Variants in FAM185A observed in about 807,000 individuals in gnomAD.
The protein encoded by FAM185A is protein FAM185A.
FAM185A carries 21 observed loss-of-function variants against 45.7 expected under a neutral mutation model. The ratio of observed to expected loss-of-function variants is 0.46; its 90% CI spans 0.33 to 0.66. FAM185A has a LOEUF of 0.66. FAM185A is among the 30% of genes least tolerant of loss of function. FAM185A has a pLI of 0.03. For synonymous variants in FAM185A, 117 were observed against 194.0 expected (o/e 0.60, Z 3.30); for missense variants, 305 against 485.4 (o/e 0.63, Z 3.49).
chr7:102,815,816 G>A, the FAM185A span, among the ~76,000 whole-genome samples: 2 of 151,994 alleles, frequency 1.3e-5, no homozygotes, highest in African/African-American at 4.8e-5. Flanking sequence ...GAGTCCTATG[G>A]TTGCTCAGTC....
intron 2 of FAM185A, among the ~76,000 whole-genome samples, chr7:102,756,655 T>TAAAAAC (rs1312221288): frequency 3.3e-5 from 5 of 151,204 alleles, no homozygotes; most frequent in Admixed American, 2.0e-4. Flanking sequence ...AGACTCTGTC[T>TAAAAAC]AAAAACAAAA....
rs532489882 is a variant in FAM185A at position 102,766,165 on chromosome 7, G to T, written c.793+4754G>T. On this transcript the variant is annotated intron_variant, in intron 4 of 7. Coordinates refer to ENST00000413034, the MANE Select transcript of FAM185A (RefSeq NM_001145268.2). ...ACCCATGATTTAAACAAACTGATTCGATTAAGATGTAAGAGTGTTCATGTT... is the reference window on the plus strand; with the variant it reads ...ACCCATGATTTAAACAAACTGATTCTATTAAGATGTAAGAGTGTTCATGTT... Among the ~76,000 whole-genome samples, 238 of 152,040 alleles carry T rather than the reference G, an allele frequency of 1.6e-3. No homozygotes were observed. In the Middle Eastern group the frequency reaches 0.018, roughly 11 times the overall value.
the FAM185A span, among the ~76,000 whole-genome samples, chr7:102,838,459 T>A: frequency 1.4e-4 from 21 of 150,156 alleles, no homozygotes; most frequent in Non-Finnish European, 1.9e-4. Flanking sequence ...AAAAAAAAAA[T>A]TTTTTTTTTG....
the FAM185A span, chr7:102,827,092 G>A: frequency 2.2e-6 from 1 of 447,296 alleles, no homozygotes; most frequent in Admixed American, 2.4e-5. Context: ...TTGACCAAAG[G>A]AATGGAGCAG....
intron 2 of FAM185A, among the ~76,000 whole-genome samples, chr7:102,752,308 T>C (rs1793412608): frequency 6.6e-6 from 1 of 150,390 alleles, no homozygotes; most frequent in Non-Finnish European, 1.5e-5. Flanking sequence ...AGTCTTACTC[T>C]GTCACCAGGC....
At chr7:102,843,513 G>A in the FAM185A span, among the ~76,000 whole-genome samples, 3 of 152,070 alleles carry the variant, frequency 2.0e-5, no homozygotes, top group South Asian at 4.2e-4. Flanking sequence ...GGTGGCTCAC[G>A]TCTGTAATCC....
intron 6 of FAM185A, among the ~76,000 whole-genome samples, chr7:102,782,212 T>C (rs1344462090): frequency 2.6e-5 from 4 of 152,188 alleles, no homozygotes; most frequent in African/African-American, 9.7e-5. Flanking sequence ...TGGAACCAAG[T>C]TGGAAAACAC....
intron 2 of FAM185A, among the ~76,000 whole-genome samples, chr7:102,756,601 G>C (rs1373559980): frequency 6.7e-6 from 1 of 150,294 alleles, no homozygotes; most frequent in African/African-American, 2.5e-5. Context: ...AGCTTGCAGT[G>C]AGCCGAGATC....
intron 5 of FAM185A, 44 bp downstream of exon 5, chr7:102,772,494 A>G (rs1794814406): frequency 7.4e-7 from 1 of 1,357,516 alleles, no homozygotes; most frequent in Non-Finnish European, 1.0e-6. Flanking sequence ...CCACTTTTAA[A>G]AATGGGTATA....
chr7:102,769,098 T>A (rs1262549269), intron 4 of FAM185A, among the ~76,000 whole-genome samples: 5 of 152,254 alleles, frequency 3.3e-5, no homozygotes, highest in Non-Finnish European at 7.4e-5. Flanking sequence ...TATTTTGATA[T>A]GAGTTGAAAA....
At chr7:102,835,673 A>G in the FAM185A span, among the ~76,000 whole-genome samples, 45,008 of 108,310 alleles carry the variant, frequency 0.42, 10,121 homozygotes, top group African/African-American at 0.69. Flanking sequence ...GCAGTGGCGC[A>G]ATCTCGGCTC....
chr7:102,837,905 CTG>C, the FAM185A span, among the ~76,000 whole-genome samples: 2 of 152,234 alleles, frequency 1.3e-5, no homozygotes, highest in Non-Finnish European at 2.9e-5. Context: ...TCTGCATTGA[CTG>C]TAACTTCTTG....
intron 7 of FAM185A, among the ~76,000 whole-genome samples, chr7:102,799,859 G>A (rs1417272853): frequency 6.6e-6 from 1 of 152,124 alleles, no homozygotes; most frequent in Non-Finnish European, 1.5e-5. Context: ...GGAGTGGCAA[G>A]ACTAGATTGC....
At chr7:102,822,062 G>A in the FAM185A span, 1 of 1,614,164 alleles carries the variant, frequency 6.2e-7, no homozygotes, top group Admixed American at 1.7e-5. Flanking sequence ...GTGCAGTATT[G>A]CATCTTAAGG....
At chr7:102,765,617 T>G (rs1381905877) in intron 4 of FAM185A, among the ~76,000 whole-genome samples, 2 of 152,246 alleles carry the variant, frequency 1.3e-5, no homozygotes, top group South Asian at 2.1e-4. Context: ...TTCCTATGTA[T>G]AGAGAAGAAA....
chr7:102,825,203 C>T, the FAM185A span, among the ~76,000 whole-genome samples: 1 of 152,090 alleles, frequency 6.6e-6, no homozygotes, highest in Admixed American at 6.6e-5. Context: ...TTTGTTCCCT[C>T]CAAAACACAT....
the FAM185A span, chr7:102,821,935 T>C: frequency 8.1e-7 from 1 of 1,228,676 alleles, no homozygotes; most frequent in Non-Finnish European, 1.1e-6. Context: ...GAAATGAAAC[T>C]TCCTAACACT....
chr7:102,812,617 T>C (rs1334827053), downstream of FAM185A, among the ~76,000 whole-genome samples: 1 of 152,186 alleles, frequency 6.6e-6, no homozygotes, highest in African/African-American at 2.4e-5. Context: ...TAAAAAGCGT[T>C]ACAGATCCTT....
chr7:102,787,680 CATT>C, intron 7 of FAM185A, among the ~76,000 whole-genome samples: 1 of 152,338 alleles, frequency 6.6e-6, no homozygotes, highest in East Asian at 1.9e-4. Flanking sequence ...TAGGAACACT[CATT>C]AGTCCTGTCA....
Sources: gnomAD v4.1 joint callset for allele counts (sites outside exome capture counted in the v4.1 genomes callset) on GRCh38, gnomAD v4.1.1 for gene constraint, MANE v1.5 for transcripts, NCBI Gene and HGNC (gene_info 2026-07-23, HGNC 2026-07-21) for gene names.